Variants in LIMD2 observed in about 807,000 individuals in gnomAD.
LIMD2 encodes LIM domain containing 2.
Under a neutral mutation model 16.0 loss-of-function variants are expected in LIMD2, and 11 were observed. The ratio of observed to expected loss-of-function variants is 0.69; its 90% CI spans 0.43 to 1.14. The LOEUF (loss-of-function observed/expected upper bound fraction) is 1.14. Ranked by LOEUF, LIMD2 falls within the 50% of genes most tolerant of loss-of-function variation. The pLI, the probability that LIMD2 is intolerant of heterozygous loss-of-function variation, is 0.00. For synonymous variants in LIMD2, 60 were observed against 67.1 expected, an observed-to-expected ratio of 0.89 and a Z score of 0.52; for missense variants, 168 against 165.8, an observed-to-expected ratio of 1.01 and a Z score of -0.07.
rs769564441 is a variant in LIMD2 at position 63,699,345 on chromosome 17, G to A, written c.-47C>T. The A allele has an allele frequency of 6.4e-7, 1 of 1,573,800 alleles. No homozygotes were observed. Among genetic ancestry groups the A allele is most frequent in the Non-Finnish European group, 8.6e-7 (1 of 1,160,108 alleles). ...TCGGGTGGAGAAGCGGCACCCGCTG[G>A]GTTCTGCAAGGGGAAGTCAGTCGGG... On this transcript the variant is annotated 5_prime_UTR_variant, in exon 2 of 5. Transcript: ENST00000259006.
At chr17:63,699,165 C>G (rs1285934081) in intron 2 of LIMD2, 92 bp downstream of exon 2, 15 of 1,585,266 alleles carry the variant, frequency 9.5e-6, no homozygotes, top group African/African-American at 1.3e-5. Flanking sequence ...CGCCGCAGGG[C>G]ACAAAGGGGG....
At chr17:63,699,940 G>T (rs890005720) in intron 1 of LIMD2, 92 bp downstream of exon 1, 2 of 983,442 alleles carry the variant, frequency 2.0e-6, no homozygotes, top group Non-Finnish European at 2.4e-6. Flanking sequence ...TCGCAGACTC[G>T]CCGGGACCCC....
Position 63,698,443 on chromosome 17 carries a change from C to T in LIMD2, c.*109G>A. 4 of 1,293,834 alleles carry T rather than the reference C, an allele frequency of 3.1e-6. No homozygotes were observed. Among genetic ancestry groups the T allele is most frequent in the Middle Eastern group, 2.7e-4 (1 of 3,722 alleles). 80.1% of individuals were successfully genotyped at this position (1,293,834 alleles called of 1,614,324 possible). A position where few individuals can be genotyped will look rare whatever the true frequency, so the allele number is the denominator to read the frequency against. ...CCTGGTCCCCTACGCCTGAGCAAGCCTCATCCCCTTCCCACCTGGCCCCCA... is the reference window on the plus strand; with the variant it reads ...CCTGGTCCCCTACGCCTGAGCAAGCTTCATCCCCTTCCCACCTGGCCCCCA... On this transcript the variant is annotated 3_prime_UTR_variant, in exon 5 of 5. Coordinates refer to ENST00000259006, the MANE Select transcript of LIMD2 (RefSeq NM_030576.4).
In LIMD2 at chr17:63,696,032, C is replaced by A. The variant is rs1026006394; in HGVS notation, c.*2520G>T. Reference sequence around the variant, plus strand: ...GGCTTGCTGTGGGAAGGGGCCGTGCCGTCACTTTCTCATCATTCCATGGGG... The same window carrying A: ...GGCTTGCTGTGGGAAGGGGCCGTGCAGTCACTTTCTCATCATTCCATGGGG... On this transcript the variant is annotated 3_prime_UTR_variant, in exon 5 of 5. Coordinates refer to ENST00000259006, the MANE Select transcript of LIMD2 (RefSeq NM_030576.4). 9 of 152,568 alleles carry A rather than the reference C, an allele frequency of 5.9e-5. No individual in the cohort carries two copies. The highest frequency in any genetic ancestry group is 2.0e-4 in the Admixed American group (3 of 15,270). The allele number at this position is 152,568 out of a possible 1,614,324, so 9.5% of individuals were successfully genotyped here. A position where few individuals can be genotyped will look rare whatever the true frequency, so the allele number is the denominator to read the frequency against.
chr17:63,699,108 G>A (rs1485410654), intron 2 of LIMD2, 39 bp from the exon 3 acceptor site: 1 of 1,585,832 alleles, frequency 6.3e-7, no homozygotes, highest in Non-Finnish European at 8.6e-7. Context: ...GCAGCTCCGG[G>A]AGGCCCTGGA....
chr17:63,698,378 G>A lies in LIMD2; in HGVS notation c.*174C>T, dbSNP rs954148548. ...GGTTTCCAAACCCTCACCGGCTGCGGGAGAAGGAAGAAGGAAGGAGTCCTG... is the reference window on the plus strand; with the variant it reads ...GGTTTCCAAACCCTCACCGGCTGCGAGAGAAGGAAGAAGGAAGGAGTCCTG... On this transcript the variant is annotated 3_prime_UTR_variant, in exon 5 of 5. Transcript: ENST00000259006. 6 of 756,174 alleles carry A rather than the reference G, an allele frequency of 7.9e-6. No homozygotes were observed. In the African/African-American group the frequency reaches 1.1e-4, roughly 13 times the overall value. The allele number at this position is 756,174 out of a possible 1,614,324, so 46.8% of individuals were successfully genotyped here.
In LIMD2 at chr17:63,699,258, T is replaced by G. The variant is rs200367312; in HGVS notation, c.41A>C (p.His14Pro). 12 of 1,611,270 alleles carry G rather than the reference T, an allele frequency of 7.4e-6. No individual in the cohort carries two copies. The highest frequency in any genetic ancestry group is 1.0e-5 in the Non-Finnish European group (12 of 1,179,310). ...AAGAAQATPSHDAKGGGSSTV... is the reference protein window; with the variant it reads ...AAGAAQATPSPDAKGGGSSTV... ...CCTCCCACCCAGCCGGGCACTTACATGAGAGGGGGTGGCCTGGGCGGCTCC... is the reference window on the plus strand; with the variant it reads ...CCTCCCACCCAGCCGGGCACTTACAGGAGAGGGGGTGGCCTGGGCGGCTCC... The change falls in exon 2 of 5, where the codon CAT (histidine) becomes CCT (proline). Residue 14 changes from histidine (H) to proline (P), a missense_variant and splice_region_variant. Transcript: ENST00000259006.
At chr17:63,699,927 G>A (rs1314195152) in intron 1 of LIMD2, 105 bp downstream of exon 1, 26 of 983,626 alleles carry the variant, frequency 2.6e-5, no homozygotes, top group East Asian at 1.1e-4. Flanking sequence ...GGGCGAGAGC[G>A]GCTCGCAGAC....
At chr17:63,699,897 G>C in intron 1 of LIMD2, 135 bp downstream of exon 1, 2 of 984,258 alleles carry the variant, frequency 2.0e-6, no homozygotes, top group Non-Finnish European at 2.4e-6. Flanking sequence ...CTGAAACGAG[G>C]ACTCGAGCCT....
rs577274971 is a variant in LIMD2, at chr17:63,698,493, C to T, written c.*59G>A. The T allele has an allele frequency of 9.9e-4, 1,568 of 1,577,926 alleles. 10 individuals carry two copies. The African/African-American group carries it at 0.018, about 18-fold the overall frequency. ...ACGCAAGCCCAGCTCGACCTCCTTC[C>T]CACCTTCCCCCTGCCGGCTCCAGGC... On this transcript the variant is annotated 3_prime_UTR_variant, in exon 5 of 5. Coordinates refer to ENST00000259006, the MANE Select transcript of LIMD2 (RefSeq NM_030576.4).
intron 1 of LIMD2, 155 bp from the exon 2 acceptor site, chr17:63,699,503 A>C: frequency 8.2e-6 from 5 of 610,908 alleles, no homozygotes; most frequent in Admixed American, 3.7e-5. Flanking sequence ...CCCCTCACCC[A>C]CCTCCCCCAC....
rs755368765 is a variant in LIMD2 at position 63,699,227 on chromosome 17, G to A, written c.42+30C>T. The A allele has an allele frequency of 2.5e-6, 4 of 1,610,068 alleles. No homozygotes were observed. In the African/African-American group the frequency reaches 5.3e-5, roughly 21 times the overall value. Reference sequence around the variant, plus strand: ...TCACCCCAGGCCAGGCTCCTGTCCGGGGGGCCCTCCCACCCAGCCGGGCAC... The same window carrying A: ...TCACCCCAGGCCAGGCTCCTGTCCGAGGGGCCCTCCCACCCAGCCGGGCAC... On this transcript the variant is annotated intron_variant, in intron 2 of 4. Transcript: ENST00000259006.
chr17:63,700,348 G>A, upstream of LIMD2: 1 of 201,438 alleles, frequency 5.0e-6, no homozygotes, highest in Non-Finnish European at 8.8e-6. This position sits in a 1 kb window ranked among gnomAD's most constrained non-coding sequence, Gnocchi z 7.1. Context: ...CGCGGGCCTC[G>A]CGCTCGCAGG....
chr17:63,698,244 C>A lies in LIMD2; in HGVS notation c.*308G>T. The A allele has an allele frequency of 2.6e-6, 1 of 388,408 alleles. No individual in the cohort carries two copies. The highest frequency in any genetic ancestry group is 4.8e-6 in the Non-Finnish European group (1 of 210,104). The allele number at this position is 388,408 out of a possible 1,614,324, so 24.1% of individuals were successfully genotyped here. ...TGCTGACTCCTTGCTGGAGAAAAGG[C>A]ACCTAGATAGGGGAGCTGGGCTTGG... On this transcript the variant is annotated 3_prime_UTR_variant, in exon 5 of 5. Coordinates refer to ENST00000259006, the MANE Select transcript of LIMD2 (RefSeq NM_030576.4).
rs2035690071 is a variant in LIMD2, at chr17:63,696,228, CTA to C, written c.*2322_*2323del. The C allele has an allele frequency of 6.6e-6, 1 of 152,614 alleles. No individual in the cohort carries two copies. The highest frequency in any genetic ancestry group is 1.5e-5 in the Non-Finnish European group (1 of 68,066). The allele number at this position is 152,614 out of a possible 1,614,324, so 9.5% of individuals were successfully genotyped here. ...GGAACCTGCAGCCATAGTTATTTGACTATATCTTGACCGAGGGCTTGCAGTGC... is the reference window on the plus strand; with the variant it reads ...GGAACCTGCAGCCATAGTTATTTGACTATCTTGACCGAGGGCTTGCAGTGC... On this transcript the variant is annotated 3_prime_UTR_variant, in exon 5 of 5. Coordinates refer to ENST00000259006, the MANE Select transcript of LIMD2 (RefSeq NM_030576.4).
chr17:63,699,471 G>T, intron 1 of LIMD2, 123 bp from the exon 2 acceptor site: 1 of 933,790 alleles, frequency 1.1e-6, no homozygotes. Flanking sequence ...ATTTCCTGTT[G>T]CTCTTGGTCT....
In LIMD2 at chr17:63,698,957, C is replaced by G; in HGVS notation, c.85-19G>C. 6.2e-7 allele frequency: 1 copy of G among 1,612,538 alleles called. No homozygotes were observed. The highest frequency in any genetic ancestry group is 8.5e-7 in the Non-Finnish European group (1 of 1,179,778). On this transcript the variant is annotated intron_variant, in intron 3 of 4. Transcript: ENST00000259006. ...TGAAGGACTGTGCGGGAAGCTCAGC[C>G]AGGTGCTGCCCCAGTGCTCATCCCG...
chr17:63,698,881 A>T lies in LIMD2; in HGVS notation c.142T>A (p.Tyr48Asn), dbSNP rs550246449. 1 of 1,612,892 alleles carries T rather than the reference A, an allele frequency of 6.2e-7. No individual in the cohort carries two copies. The highest frequency in any genetic ancestry group is 2.2e-5 in the East Asian group (1 of 44,854). ...TCGGCCACCAGCCGCTCCATGGGGT[A>T]CACGGTCTTCTGGCAGGCGGCGCAG... ...ETCAACQKTV[Y>N]PMERLVADKL... The change falls in exon 4 of 5, where the codon TAC (tyrosine) becomes AAC (asparagine). Residue 48 changes from tyrosine to asparagine, a missense_variant. Coordinates refer to ENST00000259006, the MANE Select transcript of LIMD2 (RefSeq NM_030576.4).
rs761030090 is a variant in LIMD2 at position 63,699,268 on chromosome 17, T to TG, written c.30dup (p.Thr11HisfsTer5). 1 of 1,610,670 alleles carries TG rather than the reference T, an allele frequency of 6.2e-7. No individual in the cohort carries two copies. Among genetic ancestry groups the TG allele is most frequent in the South Asian group, 1.1e-5 (1 of 90,818 alleles). Reference sequence around the variant, plus strand: ...AGCCGGGCACTTACATGAGAGGGGGTGGCCTGGGCGGCTCCTGCAGCCTGG... The same window carrying TG: ...AGCCGGGCACTTACATGAGAGGGGGTGGGCCTGGGCGGCTCCTGCAGCCTGG... On this transcript the variant is annotated frameshift_variant, in exon 2 of 5. Coordinates refer to ENST00000259006, the MANE Select transcript of LIMD2 (RefSeq NM_030576.4). LOFTEE classifies it high-confidence loss of function.
Sources: allele counts gnomAD v4.1 joint callset, GRCh38; gene constraint gnomAD v4.1.1; non-coding constraint Gnocchi (gnomAD v3.1); transcripts MANE v1.5; gene names NCBI Gene and HGNC (gene_info 2026-07-23, HGNC 2026-07-21).